PDE10A: variants seen among roughly 807,000 people sequenced by gnomAD.
PDE10A encodes cAMP and cAMP-inhibited cGMP 3',5'-cyclic phosphodiesterase 10A.
In PDE10A, 39 loss-of-function variants were observed where a neutral mutation model predicts 97.7. The observed-to-expected ratio is 0.40, with a 90% CI of 0.31 to 0.52. PDE10A has a LOEUF of 0.52. PDE10A is among the 20% of genes least tolerant of loss of function. The probability of loss-of-function intolerance (pLI) is 0.56; values close to 1 mark genes in which losing one functional copy is unlikely to be tolerated. For missense variants in PDE10A, 731 were observed against 1,047.8 expected (o/e 0.70, Z 4.17); for synonymous variants, 371 against 376.8 (o/e 0.98, Z 0.18).
chr6:165,468,748 T>C (rs1262366163), intron 3 of PDE10A, among the ~76,000 whole-genome samples: 7 of 152,238 alleles, frequency 4.6e-5, no homozygotes, highest in African/African-American at 1.7e-4. Flanking sequence ...GATGCCTTTG[T>C]TGCCATCTTT....
At chr6:165,797,615 A>G (rs1400250156) in intron 1 of PDE10A, among the ~76,000 whole-genome samples, 1 of 152,198 alleles carries the variant, frequency 6.6e-6, no homozygotes, top group Admixed American at 6.5e-5. Context: ...TCAATATTTT[A>G]CAATTATTTC....
intron 1 of PDE10A, among the ~76,000 whole-genome samples, chr6:165,794,981 T>A (rs1778791899): frequency 6.6e-6 from 1 of 152,210 alleles, no homozygotes; most frequent in Non-Finnish European, 1.5e-5. Flanking sequence ...ATATAGATAC[T>A]CTATTATAAA....
chr6:165,698,144 C>A (rs971061777), intron 1 of PDE10A, among the ~76,000 whole-genome samples: 1 of 152,120 alleles, frequency 6.6e-6, no homozygotes, highest in African/African-American at 2.4e-5. Context: ...ATTTTAAATG[C>A]TATAAACATC....
intron 1 of PDE10A, among the ~76,000 whole-genome samples, chr6:165,919,280 C>T (rs771475609): frequency 1.3e-5 from 2 of 152,256 alleles, no homozygotes; most frequent in African/African-American, 4.8e-5. Context: ...TGGGGCAGGG[C>T]GCTCTGTGTG....
intron 1 of PDE10A, among the ~76,000 whole-genome samples, chr6:165,807,324 T>A (rs764644958): frequency 2.0e-5 from 3 of 151,856 alleles, no homozygotes; most frequent in Non-Finnish European, 4.4e-5. Flanking sequence ...GGATCTTCAC[T>A]ACAGTAAATA....
chr6:165,706,913 G>A (rs1372605867), intron 1 of PDE10A, among the ~76,000 whole-genome samples: 18 of 152,128 alleles, frequency 1.2e-4, no homozygotes, highest in Non-Finnish European at 4.4e-5. Context: ...ATTAACAAAA[G>A]CAGGCACAGT....
chr6:165,499,132 C>A (rs1038800914), intron 2 of PDE10A, among the ~76,000 whole-genome samples: 1 of 152,152 alleles, frequency 6.6e-6, no homozygotes, highest in Non-Finnish European at 1.5e-5. Context: ...TTCAGACCAT[C>A]TAACAAGGCA....
chr6:165,847,884 T>C (rs1717344359), intron 1 of PDE10A, among the ~76,000 whole-genome samples: 1 of 152,268 alleles, frequency 6.6e-6, no homozygotes, highest in South Asian at 2.1e-4. Context: ...TTCATTTTAC[T>C]GGATCTTTGG....
chr6:165,405,317 C>T (rs1787050405), intron 13 of PDE10A, among the ~76,000 whole-genome samples: 1 of 152,108 alleles, frequency 6.6e-6, no homozygotes, highest in African/African-American at 2.4e-5. Context: ...CTCTTCCTTG[C>T]TATTTTCCAG....
At chr6:165,943,227 GAAA>G (rs1562809771) in intron 1 of PDE10A, among the ~76,000 whole-genome samples, 872 of 55,630 alleles carry the variant, frequency 0.016, 7 homozygotes, top group Admixed American at 0.019. Flanking sequence ...AAGAAAGAAA[GAAA>G]GAAAGAAGGA....
intron 1 of PDE10A, among the ~76,000 whole-genome samples, chr6:165,589,164 A>T (rs1184807746): frequency 6.6e-6 from 1 of 152,184 alleles, no homozygotes; most frequent in African/African-American, 2.4e-5. Context: ...AGAGCATGCA[A>T]AGTACTATAG....
At chr6:165,732,683 G>T (rs1177470549) in intron 1 of PDE10A, among the ~76,000 whole-genome samples, 3 of 152,240 alleles carry the variant, frequency 2.0e-5, no homozygotes. Flanking sequence ...CAACTTGGAT[G>T]GAACTGGGAA....
intron 1 of PDE10A, among the ~76,000 whole-genome samples, chr6:165,943,360 G>GAAAGAAAGAAAGAAAGAA (rs796075995): frequency 1.3e-5 from 1 of 78,036 alleles, no homozygotes; most frequent in African/African-American, 5.4e-5. Context: ...AAGAAAGAAA[G>GAAAGAAAGAAAGAAAGAA]AGAAAGAAAG....
intron 1 of PDE10A, among the ~76,000 whole-genome samples, chr6:165,962,154 C>G (rs943967506): frequency 6.6e-6 from 1 of 152,256 alleles, no homozygotes; most frequent in Non-Finnish European, 1.5e-5. Flanking sequence ...ACGGGCAACA[C>G]TGCCTCTGTG....
chr6:165,423,584 T>C (rs1247230975), intron 10 of PDE10A, among the ~76,000 whole-genome samples: 1 of 152,132 alleles, frequency 6.6e-6, no homozygotes, highest in African/African-American at 2.4e-5. Context: ...TTACCCAGAT[T>C]AGGCCGGGCG....
At chr6:165,724,557 T>G (rs6913046) in intron 1 of PDE10A, among the ~76,000 whole-genome samples, 3 of 152,020 alleles carry the variant, frequency 2.0e-5, no homozygotes, top group African/African-American at 7.2e-5. Context: ...GGCTTCGTCC[T>G]GTCACTTAGA....
chr6:165,984,281 C>T (rs1785113662), intron 1 of PDE10A, among the ~76,000 whole-genome samples: 1 of 152,136 alleles, frequency 6.6e-6, no homozygotes, highest in Admixed American at 6.5e-5. Flanking sequence ...ACTCTTACTA[C>T]CTGGGGAATG....
chr6:165,543,623 G>A, intron 1 of PDE10A, 55 bp from the exon 2 acceptor site: 1 of 1,387,640 alleles, frequency 7.2e-7, no homozygotes, highest in East Asian at 2.3e-5. Flanking sequence ...TCATATCAAT[G>A]AAAGGTATAG....
chr6:165,378,395 G>C (rs936757440), intron 18 of PDE10A, among the ~76,000 whole-genome samples: 1 of 152,216 alleles, frequency 6.6e-6, no homozygotes, highest in African/African-American at 2.4e-5. Context: ...TTAAGCAGAA[G>C]TTGGTCAGAC....
Sources: allele counts gnomAD v4.1 joint callset (sites outside exome capture counted in the v4.1 genomes callset), GRCh38; gene constraint gnomAD v4.1.1; transcripts MANE v1.5; gene names NCBI Gene and HGNC (gene_info 2026-07-23, HGNC 2026-07-21).